Variants in PIK3C2A observed in about 807,000 individuals in gnomAD.
The protein encoded by PIK3C2A is phosphatidylinositol-4-phosphate 3-kinase catalytic subunit type 2 alpha.
A neutral mutation model predicts 204.5 loss-of-function variants in PIK3C2A; 97 were observed. The observed-to-expected ratio is 0.47, with a 90% confidence interval of 0.40 to 0.56. The LOEUF is 0.56. Ranked by LOEUF, PIK3C2A falls within the 20% of genes least tolerant of loss-of-function variation. The pLI is 0.00. For missense variants in PIK3C2A, 1,735 were observed against 1,969.2 expected (o/e 0.88, Z 2.25); for synonymous variants, 653 against 664.4 (o/e 0.98, Z 0.26).
chr11:17,122,795 A>G lies in PIK3C2A; in HGVS notation c.2418T>C (p.Thr806=), dbSNP rs1161192613. 1.4e-6 allele frequency: 2 copies of G among 1,469,228 alleles called. No homozygotes were observed. The highest frequency in any genetic ancestry group is 1.9e-5 in the Admixed American group (1 of 52,846). The allele number at this position is 1,469,228 out of a possible 1,614,324, so 91.0% of individuals were successfully genotyped here. ...ATGAAGTCCAAAGATATAGAAGTTTAGTTCCACATGTTAAAAACCTTCACG... is the reference window on the plus strand; with the variant it reads ...ATGAAGTCCAAAGATATAGAAGTTTGGTTCCACATGTTAAAAACCTTCACG... ...FDFKRFLTCG[T]KLLYLWTSSH... is the part of the protein sequence containing the mutation. The change falls in exon 14 of 33, where the codon ACT becomes ACC. Residue 806 remains threonine (T), a synonymous_variant. Transcript: ENST00000691414.
intron 1 of PIK3C2A, among the ~76,000 whole-genome samples, chr11:17,186,043 G>A (rs1435542841): frequency 6.6e-6 from 1 of 152,088 alleles, no homozygotes. Flanking sequence ...TCTCCCTCCT[G>A]TAACTGTGCA....
chr11:17,156,390 TTTTC>T (rs1350858971), intron 2 of PIK3C2A, among the ~76,000 whole-genome samples: 2 of 152,172 alleles, frequency 1.3e-5, no homozygotes. Flanking sequence ...AAAGACTTTT[TTTTC>T]TTTGTTTTTT....
intron 22 of PIK3C2A, among the ~76,000 whole-genome samples, chr11:17,106,490 A>G (rs1171962315): frequency 6.6e-6 from 1 of 152,244 alleles, no homozygotes; most frequent in Non-Finnish European, 1.5e-5. Context: ...TCTAACATGT[A>G]AACATCAATT....
chr11:17,131,599 T>C (rs1849696726), intron 12 of PIK3C2A, among the ~76,000 whole-genome samples: 1 of 151,964 alleles, frequency 6.6e-6, no homozygotes. Context: ...TTTTTTGTAT[T>C]TTTAGTAGAG....
rs190869801 is a variant in PIK3C2A at position 17,102,316 on chromosome 11, A to G, written c.3851+346T>C. Among the ~76,000 whole-genome samples, 1,010 of 152,264 alleles carry G rather than the reference A, an allele frequency of 6.6e-3. 10 individuals carry two copies. The highest frequency in any genetic ancestry group is 0.023 in the African/African-American group (974 of 41,562). ...GCCGGGCGTGGTGGCGGGCGCCTGTAGTCCCAGCTACTCAGGAGGCTGAGG... is the reference window on the plus strand; with the variant it reads ...GCCGGGCGTGGTGGCGGGCGCCTGTGGTCCCAGCTACTCAGGAGGCTGAGG... On this transcript the variant is annotated intron_variant, in intron 24 of 32. Transcript: ENST00000691414.
chr11:17,100,376 G>A (rs1446047170), intron 25 of PIK3C2A, among the ~76,000 whole-genome samples: 4 of 151,704 alleles, frequency 2.6e-5, no homozygotes, highest in Non-Finnish European at 2.9e-5. Context: ...ACTATGCCTG[G>A]CGAACTTTTT....
chr11:17,116,134 T>C (rs538956524), intron 19 of PIK3C2A, among the ~76,000 whole-genome samples: 86 of 152,238 alleles, frequency 5.6e-4, no homozygotes, highest in Admixed American at 1.6e-3. Flanking sequence ...AAAAAAATAT[T>C]TGCAAATAGT....
At position 17,168,881 on chromosome 11, in the gene PIK3C2A, T is replaced by C. The variant is rs779673527; in HGVS notation, c.861A>G (p.Leu287=). The C allele has an allele frequency of 1.9e-6, 3 of 1,614,066 alleles. No homozygotes were observed. Among genetic ancestry groups the C allele is most frequent in the Non-Finnish European group, 2.5e-6 (3 of 1,180,022 alleles). ...SKPKVDNVEV[L]DHEEEKNVSS... is the part of the protein sequence containing the mutation. ...AAACATTTTTCTCTTCCTCATGGTC[T>C]AATACCTCCACATTATCCACCTTAG... Residue 287 remains leucine (L), a synonymous_variant, in exon 2 of 33, where the codon TTA becomes TTG. Coordinates refer to ENST00000691414, the MANE Select transcript of PIK3C2A (RefSeq NM_002645.4).
At chr11:17,178,092 CAAAA>C (rs750346823) in intron 1 of PIK3C2A, among the ~76,000 whole-genome samples, 61 of 64,106 alleles carry the variant, frequency 9.5e-4, no homozygotes, top group Admixed American at 2.1e-3. Context: ...GACTCCATCT[CAAAA>C]AAAAAAAAAA....
chr11:17,188,442 C>T (rs924524112), intron 1 of PIK3C2A, among the ~76,000 whole-genome samples: 4 of 147,082 alleles, frequency 2.7e-5, no homozygotes, highest in African/African-American at 8.2e-5. Flanking sequence ...AGAGGCCCAA[C>T]ACTACTCTCT....
At chr11:17,170,079 T>C (rs1046430858) in intron 1 of PIK3C2A, among the ~76,000 whole-genome samples, 8 of 152,198 alleles carry the variant, frequency 5.3e-5, no homozygotes, top group African/African-American at 1.9e-4. Flanking sequence ...ACGCTTTCAT[T>C]TTAGCAGTCA....
chr11:17,109,951 A>T (rs558981410), intron 22 of PIK3C2A, among the ~76,000 whole-genome samples: 65 of 151,966 alleles, frequency 4.3e-4, no homozygotes, highest in Non-Finnish European at 4.3e-4. Flanking sequence ...GGTTAAAAAA[A>T]TTTTTTTTTA....
chr11:17,202,932 TTA>T (rs1852440166), intron 1 of PIK3C2A, among the ~76,000 whole-genome samples: 2 of 152,182 alleles, frequency 1.3e-5, no homozygotes, highest in Middle Eastern at 3.2e-3. Context: ...ACAGAAAGCC[TTA>T]TGTTTAACAG....
intron 1 of PIK3C2A, among the ~76,000 whole-genome samples, chr11:17,175,489 T>C (rs911348131): frequency 2.0e-5 from 3 of 152,192 alleles, no homozygotes; most frequent in African/African-American, 4.8e-5. Flanking sequence ...TAAAACTTCA[T>C]TTGATGACAA....
chr11:17,169,805 G>A lies in PIK3C2A; in HGVS notation c.-64C>T, dbSNP rs868055107. The A allele has an allele frequency of 1.9e-6, 2 of 1,045,972 alleles. No individual in the cohort carries two copies. Among genetic ancestry groups the A allele is most frequent in the Middle Eastern group, 2.2e-4 (1 of 4,588 alleles). The allele number at this position is 1,045,972 out of a possible 1,614,324, so 64.8% of individuals were successfully genotyped here. On this transcript the variant is annotated splice_region_variant and 5_prime_UTR_variant, in exon 2 of 33. Coordinates refer to ENST00000691414, the MANE Select transcript of PIK3C2A (RefSeq NM_002645.4). ...TTCTTGTAGCTTCCAAAATAGCAAGGCCTATACATAAAAATAAACATAACA... is the reference window on the plus strand; with the variant it reads ...TTCTTGTAGCTTCCAAAATAGCAAGACCTATACATAAAAATAAACATAACA...
At chr11:17,139,492 A>T (rs1188983842) in intron 8 of PIK3C2A, among the ~76,000 whole-genome samples, 2 of 151,154 alleles carry the variant, frequency 1.3e-5, no homozygotes, top group African/African-American at 4.9e-5. Flanking sequence ...CTAAAGTGCT[A>T]GGATTACAGG....
At chr11:17,170,870 G>A (rs1214918662) in intron 1 of PIK3C2A, among the ~76,000 whole-genome samples, 1 of 152,116 alleles carries the variant, frequency 6.6e-6, no homozygotes, top group African/African-American at 2.4e-5. Context: ...TTGGGAGGCC[G>A]AGGTGGGCAG....
chr11:17,172,375 G>T (rs1019509732), intron 1 of PIK3C2A, among the ~76,000 whole-genome samples: 4 of 152,152 alleles, frequency 2.6e-5, no homozygotes, highest in African/African-American at 9.7e-5. Flanking sequence ...AGAGGGGCCA[G>T]CTAACAGCCA....
rs1270374405 is a variant in PIK3C2A at position 17,089,453 on chromosome 11, G to T, written c.*285C>A. ...TGAACTGACATAGTACTGTCTCAAA[G>T]TCTTTTTCAGGAATTAGTATATATT... On this transcript the variant is annotated 3_prime_UTR_variant, in exon 33 of 33. Transcript: ENST00000691414. 3.6e-6 allele frequency: 1 copy of T among 275,046 alleles called. No individual in the cohort carries two copies. The highest frequency in any genetic ancestry group is 6.9e-6 in the Non-Finnish European group (1 of 145,474). The allele number at this position is 275,046 out of a possible 1,614,324, so 17.0% of individuals were successfully genotyped here.
Sources: allele counts gnomAD v4.1 joint callset (sites outside exome capture counted in the v4.1 genomes callset), GRCh38; gene constraint gnomAD v4.1.1; transcripts MANE v1.5; gene names NCBI Gene and HGNC (gene_info 2026-07-23, HGNC 2026-07-21).